GSE1: variants seen among roughly 807,000 people sequenced by gnomAD.
GSE1 encodes the protein genetic suppressor element 1.
A neutral mutation model predicts 112.6 loss-of-function variants in GSE1; 32 were observed. The observed-to-expected ratio is 0.28, with a 90% confidence interval of 0.21 to 0.38. The LOEUF is 0.38. Among genes scored for constraint, GSE1 ranks in the 10% least tolerant of loss-of-function variants. GSE1 has a pLI of 1.00. For missense variants in GSE1, 2,348 were observed against 1,699.2 expected, an observed-to-expected ratio of 1.38 and a Z score of -6.71; for synonymous variants, 1,115 against 735.6, an observed-to-expected ratio of 1.52 and a Z score of -8.35.
At chr16:85,289,308 G>C (rs2045135820) in intron 1 of GSE1, among the ~76,000 whole-genome samples, 1 of 152,142 alleles carries the variant, frequency 6.6e-6, no homozygotes, top group African/African-American at 2.4e-5. Context: ...GGCCCGAGAG[G>C]CTGGCTTTGT....
chr16:85,330,661 T>G (rs1049421864), intron 1 of GSE1, among the ~76,000 whole-genome samples: 1 of 152,228 alleles, frequency 6.6e-6, no homozygotes, highest in Non-Finnish European at 1.5e-5. Flanking sequence ...GAGGGCATGA[T>G]GCATCATTTT....
chr16:85,356,817 C>A (rs1355909583), intron 1 of GSE1, among the ~76,000 whole-genome samples: 1 of 152,160 alleles, frequency 6.6e-6, no homozygotes, highest in Non-Finnish European at 1.5e-5. Context: ...ATGTTGTAAT[C>A]AAGGCACTCC....
At chr16:85,230,905 AGAATG>A (rs1045275397) in intron 1 of GSE1, among the ~76,000 whole-genome samples, 16 of 146,322 alleles carry the variant, frequency 1.1e-4, no homozygotes, top group Admixed American at 9.5e-4. Flanking sequence ...AAGGATGGAT[AGAATG>A]GAATGGATGG....
intron 1 of GSE1, among the ~76,000 whole-genome samples, chr16:85,210,188 T>A (rs1448551603): frequency 6.6e-6 from 1 of 152,226 alleles, no homozygotes; most frequent in Non-Finnish European, 1.5e-5. Context: ...AAACACTGGC[T>A]ACTTTGACCC....
At chr16:85,640,727 C>T (rs2050373205) in intron 2 of GSE1, among the ~76,000 whole-genome samples, 2 of 152,260 alleles carry the variant, frequency 1.3e-5, no homozygotes, top group South Asian at 2.1e-4. Flanking sequence ...AAATCTGCCT[C>T]TCAAAGAAAA....
intron 1 of GSE1, among the ~76,000 whole-genome samples, chr16:85,268,301 T>C (rs1597239466): frequency 6.6e-6 from 1 of 151,932 alleles, no homozygotes; most frequent in Non-Finnish European, 1.5e-5. Context: ...ACAGCTGTAC[T>C]CCCCCCGCAG....
At chr16:85,597,179 A>G (rs1363456125) in intron 1 of GSE1, among the ~76,000 whole-genome samples, 4 of 151,628 alleles carry the variant, frequency 2.6e-5, no homozygotes, top group Admixed American at 1.3e-4. Context: ...GGGTTTCGCC[A>G]TGTTGGCCAG....
intron 2 of GSE1, among the ~76,000 whole-genome samples, chr16:85,499,626 C>T (rs891922491): frequency 6.6e-6 from 1 of 152,142 alleles, no homozygotes; most frequent in African/African-American, 2.4e-5. Flanking sequence ...TTTAAGAATG[C>T]ACCTCAGCGT....
At chr16:85,305,136 GC>G (rs1043142448) in intron 1 of GSE1, among the ~76,000 whole-genome samples, 5 of 152,200 alleles carry the variant, frequency 3.3e-5, no homozygotes, top group Non-Finnish European at 2.9e-5. Context: ...AGCTCCCTGG[GC>G]CATCTCCAGA....
rs752892296 is a variant in GSE1, at chr16:85,666,016, G to C, written c.2799G>C (p.Pro933=). Residue 933 remains proline, a synonymous_variant, in exon 13 of 16, where the codon CCG becomes CCC. Transcript: ENST00000253458. ...AAGCCTCTCTGGATGTGGAGAAGCC[G>C]GTTGGTGTTGCTGCTTCCTTGTCTG... ...TQQASLDVEK[P]VGVAASLSDI... is the part of the protein sequence containing the mutation. 3.7e-6 allele frequency: 6 copies of C among 1,613,556 alleles called. No individual in the cohort carries two copies. The Middle Eastern group carries it at 9.9e-4, about 266-fold the overall frequency.
At chr16:85,442,777 C>T (rs2049410301) in intron 2 of GSE1, among the ~76,000 whole-genome samples, 1 of 152,194 alleles carries the variant, frequency 6.6e-6, no homozygotes, top group South Asian at 2.1e-4. Flanking sequence ...TAACATATTA[C>T]CACAAATGCC....
At chr16:85,312,212 G>GGGT (rs2045873742) in intron 1 of GSE1, among the ~76,000 whole-genome samples, 1 of 151,698 alleles carries the variant, frequency 6.6e-6, no homozygotes, top group Non-Finnish European at 1.5e-5. Flanking sequence ...TGCGGGGGGG[G>GGGT]GGGGGACACA....
intron 2 of GSE1, among the ~76,000 whole-genome samples, chr16:85,508,097 C>G (rs7195773): frequency 0.35 from 53,699 of 152,038 alleles, 9,665 homozygotes; most frequent in East Asian, 0.45. Context: ...TGGAGTGACT[C>G]GATCTCGGCT....
In GSE1 at chr16:85,255,086, A is replaced by C. The variant is rs557768406; in HGVS notation, c.2283+83279A>C. Among the ~76,000 whole-genome samples, 592 of 152,096 alleles carry C rather than the reference A, an allele frequency of 3.9e-3. 2 individuals carry two copies. Among genetic ancestry groups the C allele is most frequent in the Non-Finnish European group, 6.2e-3 (421 of 67,952 alleles). The stretch of plus-strand genomic sequence containing the variant: ...CCGGAGCAGATGGGCCCAGAGAGGG[A>C]GGCGGCGGCGGCGGTCGCTGTTGCC... On this transcript the variant is annotated intron_variant, in intron 1 of 2. Transcript: ENST00000637419.
chr16:85,524,556 A>C (rs1192131495), intron 2 of GSE1, among the ~76,000 whole-genome samples: 3 of 141,170 alleles, frequency 2.1e-5, no homozygotes, highest in Non-Finnish European at 4.7e-5. Context: ...TGGGAGGGTG[A>C]GGGTGGGGTC....
At chr16:85,396,685 G>C in intron 2 of GSE1, among the ~76,000 whole-genome samples, 1 of 152,260 alleles carries the variant, frequency 6.6e-6, no homozygotes, top group East Asian at 1.9e-4. Context: ...CCCCACAACG[G>C]GGCAGGATGG....
intron 2 of GSE1, among the ~76,000 whole-genome samples, chr16:85,422,383 C>T (rs1018344208): frequency 6.6e-6 from 1 of 152,052 alleles, no homozygotes; most frequent in African/African-American, 2.4e-5. Flanking sequence ...GGGGGGTGCC[C>T]CTGTGGAGCC....
chr16:85,237,105 C>G (rs1406095356), intron 1 of GSE1, among the ~76,000 whole-genome samples: 1 of 152,122 alleles, frequency 6.6e-6, no homozygotes, highest in East Asian at 1.9e-4. Context: ...GTGGGTGAAT[C>G]ACAAGGTCAG....
At chr16:85,331,402 T>C (rs1330709758) in intron 1 of GSE1, among the ~76,000 whole-genome samples, 1 of 138,226 alleles carries the variant, frequency 7.2e-6, no homozygotes, top group African/African-American at 2.6e-5. Flanking sequence ...TGTGTATATA[T>C]GTATATATAT....
Sources: gnomAD v4.1 joint callset for allele counts (sites outside exome capture counted in the v4.1 genomes callset) on GRCh38, gnomAD v4.1.1 for gene constraint, MANE v1.5 for transcripts, NCBI Gene and HGNC (gene_info 2026-07-23, HGNC 2026-07-21) for gene names.